Variants in PTCD3 observed in about 807,000 individuals in gnomAD.
PTCD3 encodes pentatricopeptide repeat domain 3.
A neutral mutation model predicts 101.9 loss-of-function variants in PTCD3; 89 were observed. The observed-to-expected ratio is 0.87, with a 90% CI of 0.74 to 1.04. The LOEUF is 1.04. PTCD3 is among the 50% of genes least tolerant of loss of function. PTCD3 has a pLI of 0.00. For missense variants in PTCD3, 870 were observed against 828.2 expected, an observed-to-expected ratio of 1.05 and a Z score of -0.62; for synonymous variants, 296 against 278.5, an observed-to-expected ratio of 1.06 and a Z score of -0.63.
At chr2:86,111,971 T>C in intron 4 of PTCD3, 1 of 152,170 alleles carries the variant, frequency 6.6e-6, no homozygotes, top group South Asian at 2.1e-4. Context: ...CTCGAACTCC[T>C]GACCTCAGGT....
chr2:86,136,060 G>A, intron 21 of PTCD3: 1 of 518,006 alleles, frequency 1.9e-6, no homozygotes, highest in Non-Finnish European at 3.9e-6. Context: ...CTTTAAGAGA[G>A]GGAAACAGCA....
intron 17 of PTCD3, 33 bp from the exon 18 acceptor site, chr2:86,133,145 T>C (rs1674523076): frequency 1.2e-6 from 2 of 1,607,252 alleles, no homozygotes; most frequent in African/African-American, 1.3e-5. Context: ...CATAGGGACT[T>C]TAGACTAAAC....
At chr2:86,124,591 A>G (rs1038196247) in intron 9 of PTCD3, among the ~76,000 whole-genome samples, 2 of 152,182 alleles carry the variant, frequency 1.3e-5, no homozygotes, top group Admixed American at 6.5e-5. Flanking sequence ...TTAAAAGTAC[A>G]TATGCTAGAA....
chr2:86,121,542 A>G lies in PTCD3; in HGVS notation c.602A>G (p.Gln201Arg). 6.2e-7 allele frequency: 1 copy of G among 1,612,448 alleles called. No homozygotes were observed. Among genetic ancestry groups the G allele is most frequent in the East Asian group, 2.2e-5 (1 of 44,800 alleles). Residue 201 changes from glutamine to arginine, a missense_variant, in exon 8 of 24, where the codon CAG becomes CGG. By Grantham distance (43) the Gln-to-Arg change is conservative (BLOSUM62 1). Transcript: ENST00000254630. ...LLDLLCYYGD[Q>R]EPSTDYHFQQ... ...GATTTATTGTGTTACTATGGTGACC[A>G]GGAGCCCTCAACTGATTACCATTTT... is the stretch of plus-strand genomic sequence containing the variant.
chr2:86,117,561 C>T (rs1674197440), intron 6 of PTCD3, among the ~76,000 whole-genome samples: 1 of 151,862 alleles, frequency 6.6e-6, no homozygotes, highest in African/African-American at 2.4e-5. Flanking sequence ...GATCCTCTTG[C>T]CTCAGCCTCA....
chr2:86,135,044 A>G (rs1214027027), intron 21 of PTCD3, 57 bp downstream of exon 21: 7 of 1,531,736 alleles, frequency 4.6e-6, no homozygotes, highest in Middle Eastern at 1.7e-4. Flanking sequence ...AATCTAAAAC[A>G]TTGGCCCACG....
chr2:86,125,547 TC>T, intron 11 of PTCD3, 32 bp downstream of exon 11: 1 of 1,560,042 alleles, frequency 6.4e-7, no homozygotes, highest in Non-Finnish European at 8.8e-7. Context: ...TGTCCCTTTC[TC>T]CATTTCCTTC....
chr2:86,108,241 A>G (rs1674001767), intron 1 of PTCD3, 109 bp from the exon 2 acceptor site: 1 of 1,229,348 alleles, frequency 8.1e-7, no homozygotes, highest in East Asian at 2.4e-5. Context: ...TGAGTTATCC[A>G]GTTTAATCCG....
At chr2:86,106,715 G>C (rs879919980) in intron 1 of PTCD3, among the ~76,000 whole-genome samples, 2 of 152,146 alleles carry the variant, frequency 1.3e-5, no homozygotes, top group Non-Finnish European at 2.9e-5. Flanking sequence ...CGAGGAGAAC[G>C]TACAAGATCT....
At chr2:86,135,049 C>G (rs1025622125) in intron 21 of PTCD3, 62 bp downstream of exon 21, 36 of 1,510,476 alleles carry the variant, frequency 2.4e-5, no homozygotes, top group Non-Finnish European at 3.2e-5. Context: ...AAAACATTGG[C>G]CCACGCTGGT....
At chr2:86,130,770 C>T in intron 15 of PTCD3, 33 bp downstream of exon 15, 1 of 1,608,920 alleles carries the variant, frequency 6.2e-7, no homozygotes. Flanking sequence ...TTTTCCTCCT[C>T]TAAAGACAGA....
At position 86,139,804 on chromosome 2, in the gene PTCD3, A is replaced by G. The variant is rs74483912; in HGVS notation, c.*2245A>G. The G allele has an allele frequency of 6.8e-6, 1 of 147,276 alleles. No homozygotes were observed. Among genetic ancestry groups the G allele is most frequent in the African/African-American group, 2.5e-5 (1 of 40,290 alleles). 9.1% of individuals were successfully genotyped at this position (147,276 alleles called of 1,614,324 possible). On this transcript the variant is annotated 3_prime_UTR_variant, in exon 24 of 24. Coordinates refer to ENST00000254630, the MANE Select transcript of PTCD3 (RefSeq NM_017952.6). Reference sequence around the variant, plus strand: ...TGACAGAGTGACCCTTGTCTCCAAGAAAAAAAAAAAGCAAATGGGATTAAG... The same window carrying G: ...TGACAGAGTGACCCTTGTCTCCAAGGAAAAAAAAAAGCAAATGGGATTAAG...
chr2:86,117,191 T>A (rs751808849), intron 6 of PTCD3, 32 bp downstream of exon 6: 2 of 794,638 alleles, frequency 2.5e-6, no homozygotes, highest in Non-Finnish European at 4.3e-6. Context: ...ATTTACATAA[T>A]ACTATTTTAA....
Position 86,136,966 on chromosome 2 carries a change from T to C in PTCD3, c.1821-16T>C, listed in dbSNP as rs962931778. On this transcript the variant is annotated splice_polypyrimidine_tract_variant and intron_variant, in intron 22 of 23. Transcript: ENST00000254630. ...AAGGGGCTGGAGAAAGTTCACACTT[T>C]GCCTTTCTTTTACAGAAGTGAGTTG... The C allele has an allele frequency of 1.9e-6, 3 of 1,612,602 alleles. No individual in the cohort carries two copies. Among genetic ancestry groups the C allele is most frequent in the East Asian group, 2.2e-5 (1 of 44,878 alleles).
At chr2:86,110,563 C>T (rs1674059055) in intron 3 of PTCD3, among the ~76,000 whole-genome samples, 1 of 152,178 alleles carries the variant, frequency 6.6e-6, no homozygotes, top group Non-Finnish European at 1.5e-5. Flanking sequence ...GTGCAGTGGA[C>T]AGCTGGCCTG....
intron 16 of PTCD3, among the ~76,000 whole-genome samples, chr2:86,131,943 G>A (rs1674499750): frequency 6.6e-6 from 1 of 152,196 alleles, no homozygotes; most frequent in Non-Finnish European, 1.5e-5. Flanking sequence ...CTTTCAGGGT[G>A]TTTTATTTGT....
In PTCD3 at chr2:86,140,905, A is replaced by AG. The variant is rs1674672789; in HGVS notation, c.*3346_*3347insG. On this transcript the variant is annotated 3_prime_UTR_variant, in exon 24 of 24. Coordinates refer to ENST00000254630, the MANE Select transcript of PTCD3 (RefSeq NM_017952.6). ...GAGCAACACAGTGAAAACCCATCTCAAAAAAAAAAAAAAAAAACCAAAAAA... is the reference window on the plus strand; with the variant it reads ...GAGCAACACAGTGAAAACCCATCTCAGAAAAAAAAAAAAAAAAACCAAAAAA... 1.5e-5 allele frequency: 1 copy of AG among 66,782 alleles called. No individual in the cohort carries two copies. The highest frequency in any genetic ancestry group is 3.6e-5 in the African/African-American group (1 of 27,768). 4.1% of individuals were successfully genotyped at this position (66,782 alleles called of 1,614,324 possible). A position where few individuals can be genotyped will look rare whatever the true frequency, so the allele number is the denominator to read the frequency against.
rs1032489875 is a variant in PTCD3 at position 86,131,004 on chromosome 2, T to A, written c.1238-74T>A. 7 of 1,495,492 alleles carry A rather than the reference T, an allele frequency of 4.7e-6. No individual in the cohort carries two copies. In the African/African-American group the frequency reaches 8.4e-5, roughly 18 times the overall value. The allele number at this position is 1,495,492 out of a possible 1,614,324, so 92.6% of individuals were successfully genotyped here. On this transcript the variant is annotated intron_variant, in intron 15 of 23. Coordinates refer to ENST00000254630, the MANE Select transcript of PTCD3 (RefSeq NM_017952.6). ...ATGTTACCAGTTTTGTTGGCAGGAT[T>A]TTTGTTAATGTTACTGACTTGAAAA...
chr2:86,118,186 T>C (rs1674210852), intron 6 of PTCD3, among the ~76,000 whole-genome samples: 1 of 152,210 alleles, frequency 6.6e-6, no homozygotes, highest in African/African-American at 2.4e-5. Context: ...TTGGTACTCT[T>C]TTGTATATCT....
Sources: gnomAD v4.1 joint callset for allele counts (sites outside exome capture counted in the v4.1 genomes callset) on GRCh38, gnomAD v4.1.1 for gene constraint, MANE v1.5 for transcripts, NCBI Gene and HGNC (gene_info 2026-07-23, HGNC 2026-07-21) for gene names.